TKFC: variants seen among roughly 807,000 people sequenced by gnomAD.
The protein encoded by TKFC is triokinase and FMN cyclase, also known as triokinase/FMN cyclase.
TKFC carries 46 observed loss-of-function variants against 61.0 expected under a neutral mutation model. That is an observed-to-expected ratio of 0.75 (90% confidence interval 0.60 to 0.96). The LOEUF (loss-of-function observed/expected upper bound fraction) is 0.96, where lower values mean the gene tolerates loss of function less well. Among genes scored for constraint, TKFC ranks in the 50% least tolerant of loss-of-function variants. The pLI, the probability that TKFC is intolerant of heterozygous loss-of-function variation, is 0.00. For missense variants in TKFC, 715 were observed against 777.5 expected (o/e 0.92, Z 0.96); for synonymous variants, 314 against 330.1 (o/e 0.95, Z 0.53).
At chr11:61,342,023 T>C in intron 7 of TKFC, 111 bp downstream of exon 7, 1 of 1,061,772 alleles carries the variant, frequency 9.4e-7, no homozygotes, top group Non-Finnish European at 1.4e-6. Context: ...GTGGTCTTAG[T>C]ATTTTTACCT....
Position 61,338,042 on chromosome 11 carries a change from C to T in TKFC, c.105C>T (p.Arg35=), listed in dbSNP as rs755682123. 29 of 1,613,044 alleles carry T rather than the reference C, an allele frequency of 1.8e-5. No homozygotes were observed. Among genetic ancestry groups the T allele is most frequent in the East Asian group, 6.7e-5 (3 of 44,862 alleles). The change falls in exon 3 of 18, where the codon CGC becomes CGT. Residue 35 remains arginine, a synonymous_variant. Coordinates refer to ENST00000394900, the MANE Select transcript of TKFC (RefSeq NM_015533.4). ...NPNLQLLQGH[R]VALRSDLDSL... is the part of the protein sequence containing the mutation. ...ACCTGCAGCTCCTGCAGGGCCACCG[C>T]GTGGCCCTCCGTTCTGACCTGGACA...
intron 12 of TKFC, 40 bp from the exon 13 acceptor site, chr11:61,344,095 AG>A (rs548178512): frequency 6.2e-7 from 1 of 1,608,446 alleles, no homozygotes; most frequent in South Asian, 1.1e-5. Flanking sequence ...GGTTGTGAGA[AG>A]GGCCTGGTGG....
Position 61,345,457 on chromosome 11 carries a change from C to T in TKFC, c.1348-5C>T, listed in dbSNP as rs113606646. ...CCACATGCTCAGCGTTGTCATCTTC[C>T]CCAGCTCTATGGCCTGTTCCTGACT... On this transcript the variant is annotated splice_polypyrimidine_tract_variant and splice_region_variant and intron_variant, in intron 14 of 17. Transcript: ENST00000394900. The T allele has an allele frequency of 1.1e-4, 170 of 1,612,608 alleles. No homozygotes were observed. The African/African-American group carries it at 1.9e-3, about 18-fold the overall frequency.
intron 11 of TKFC, 161 bp from the exon 12 acceptor site, chr11:61,343,695 C>A: frequency 8.9e-7 from 1 of 1,127,682 alleles, no homozygotes; most frequent in Admixed American, 2.2e-5. Flanking sequence ...CTCCATACCC[C>A]TGTATACAGT....
intron 13 of TKFC, 79 bp downstream of exon 13, chr11:61,344,352 G>A (rs1857013817): frequency 1.4e-6 from 2 of 1,466,406 alleles, no homozygotes; most frequent in Non-Finnish European, 1.8e-6. Context: ...TGAAGGCAGG[G>A]ACCTTCCTTT....
chr11:61,346,312 G>T lies in TKFC; in HGVS notation c.1576-39G>T. 6.2e-7 allele frequency: 1 copy of T among 1,610,112 alleles called. No individual in the cohort carries two copies. On this transcript the variant is annotated intron_variant, in intron 17 of 17. Transcript: ENST00000394900. This position sits in a 1 kb window ranked among gnomAD's most constrained non-coding sequence, Gnocchi z 4.1. ...CATGGCAGGAAGGAGGCGGCCTGGT[G>T]ATCTGCCCTTGAACCTGCTCCCACA... is the stretch of plus-strand genomic sequence containing the variant.
chr11:61,353,165 C>T (rs762266199), downstream of TKFC: 5 of 1,578,500 alleles, frequency 3.2e-6, no homozygotes, highest in East Asian at 2.2e-5. Context: ...AGGACACACC[C>T]GACTGTGCTA....
At chr11:61,351,263 T>A, downstream of TKFC, 1 of 1,035,140 alleles carries the variant, frequency 9.7e-7, no homozygotes, top group Non-Finnish European at 1.3e-6. Flanking sequence ...CCATATGTGA[T>A]CTAGAATTTT....
At chr11:61,344,324 C>T (rs780909945) in intron 13 of TKFC, 51 bp downstream of exon 13, 2 of 1,569,162 alleles carry the variant, frequency 1.3e-6, no homozygotes, top group Non-Finnish European at 1.7e-6. Flanking sequence ...ACCTTAGCCC[C>T]CCTTCCACTT....
intron 10 of TKFC, 176 bp downstream of exon 10, chr11:61,343,020 G>T (rs1202522946): frequency 6.1e-6 from 4 of 660,508 alleles, no homozygotes; most frequent in Non-Finnish European, 1.0e-5. Flanking sequence ...GCAAATTGGG[G>T]GTAATAATAA....
In TKFC at chr11:61,341,525, G is replaced by A; in HGVS notation, c.565+11G>A. 6.4e-7 allele frequency: 1 copy of A among 1,554,108 alleles called. No homozygotes were observed. The highest frequency in any genetic ancestry group is 8.7e-7 in the Non-Finnish European group (1 of 1,148,264). On this transcript the variant is annotated intron_variant, in intron 6 of 17. Transcript: ENST00000394900. ...TCGCCAAGGCCATGGGTGAGTGCTG[G>A]CCTGGGAGCTGGGGAAGAGAGTGGG...
downstream of TKFC, chr11:61,351,040 A>G (rs1857380530): frequency 6.2e-7 from 1 of 1,614,058 alleles, no homozygotes; most frequent in East Asian, 2.2e-5. Flanking sequence ...AGATGAAGCC[A>G]GAAGGATGTA....
downstream of TKFC, chr11:61,351,815 A>G (rs1210982610): frequency 6.6e-6 from 1 of 152,224 alleles, no homozygotes; most frequent in Non-Finnish European, 1.5e-5. Context: ...TTAGGAGGCT[A>G]CATTGGGAAG....
chr11:61,339,132 G>A lies in TKFC; in HGVS notation c.260G>A (p.Gly87Asp), dbSNP rs762167938. The A allele has an allele frequency of 4.3e-6, 7 of 1,613,686 alleles. No individual in the cohort carries two copies. The highest frequency in any genetic ancestry group is 5.9e-6 in the Non-Finnish European group (7 of 1,180,012). The stretch of plus-strand genomic sequence containing the variant: ...GCTGTGTTCACCTCCCCGGCAGTGG[G>A]CAGCATCCTGGCAGCCATCAGGGCC... ...AGAVFTSPAV[G>D]SILAAIRAVA... is the part of the protein sequence containing the mutation. The change falls in exon 4 of 18, where the codon GGC (glycine) becomes GAC (aspartate). Residue 87 changes from glycine (G) to aspartate (D), a missense_variant. Gly to Asp is a moderately conservative substitution (Grantham distance 94, BLOSUM62 -1). Transcript: ENST00000394900.
intron 6 of TKFC, 42 bp downstream of exon 6, chr11:61,341,556 T>C (rs1222106286): frequency 1.3e-6 from 2 of 1,547,558 alleles, no homozygotes; most frequent in South Asian, 1.2e-5. Context: ...GTGGGGAAGG[T>C]TGGACAGCCC....
At chr11:61,351,665 C>A (rs1857417051), downstream of TKFC, 1 of 152,030 alleles carries the variant, frequency 6.6e-6, no homozygotes, top group Admixed American at 6.5e-5. Context: ...CTTGTAATCC[C>A]AGCACTTTGG....
intron 11 of TKFC, 190 bp from the exon 12 acceptor site, chr11:61,343,666 C>A (rs1856972830): frequency 1.0e-6 from 1 of 957,754 alleles, no homozygotes; most frequent in Non-Finnish European, 1.6e-6. Context: ...GAGGCCTGAC[C>A]CTTTCCCAGG....
chr11:61,339,041 C>G, intron 3 of TKFC, 25 bp from the exon 4 acceptor site: 3 of 1,602,146 alleles, frequency 1.9e-6, no homozygotes, highest in Non-Finnish European at 2.6e-6. Context: ...ACCCAGCATG[C>G]TCACTCCACT....
At position 61,347,926 on chromosome 11, in the gene TKFC, CCAGCCCCT is replaced by C. The variant is rs1215086039; in HGVS notation, c.*1425_*1432del. The C allele has an allele frequency of 1.3e-5, 13 of 985,256 alleles. No homozygotes were observed. The East Asian group carries it at 1.5e-3, about 112-fold the overall frequency. 61.0% of individuals were successfully genotyped at this position (985,256 alleles called of 1,614,324 possible). On this transcript the variant is annotated 3_prime_UTR_variant, in exon 18 of 18. Coordinates refer to ENST00000394900, the MANE Select transcript of TKFC (RefSeq NM_015533.4). Reference sequence around the variant, plus strand: ...TACGGTTATCACAGGGGTTGGGCCCCCAGCCCCTCCCAGGTCATCTGCTCTACCACTAG... The same window carrying C: ...TACGGTTATCACAGGGGTTGGGCCCCCCCAGGTCATCTGCTCTACCACTAG...
Sources: allele counts gnomAD v4.1 joint callset, GRCh38; gene constraint gnomAD v4.1.1; non-coding constraint Gnocchi (gnomAD v3.1); transcripts MANE v1.5; gene names NCBI Gene and HGNC (gene_info 2026-07-23, HGNC 2026-07-21).